Variants in SUCLA2 observed in about 807,000 individuals in gnomAD.
SUCLA2 encodes the protein succinate--CoA ligase [ADP-forming] subunit beta, mitochondrial.
Under a neutral mutation model 54.8 loss-of-function variants are expected in SUCLA2, and 30 were observed. The ratio of observed to expected loss-of-function variants is 0.55; its 90% confidence interval spans 0.41 to 0.74. SUCLA2 has a LOEUF of 0.74. Among genes scored for constraint, SUCLA2 ranks in the 30% least tolerant of loss-of-function variants. The probability of loss-of-function intolerance (pLI) is 0.00; values close to 1 mark genes in which losing one functional copy is unlikely to be tolerated. For missense variants in SUCLA2, 476 were observed against 562.9 expected, an observed-to-expected ratio of 0.85 and a Z score of 1.56; for synonymous variants, 172 against 188.9, an observed-to-expected ratio of 0.91 and a Z score of 0.74.
At chr13:47,965,167 C>G (rs1651823774) in intron 6 of SUCLA2, among the ~76,000 whole-genome samples, 2 of 151,650 alleles carry the variant, frequency 1.3e-5, no homozygotes, top group African/African-American at 4.8e-5. Context: ...TAATACAAAG[C>G]CAACTAGTAA....
chr13:47,943,541 C>T, intron 10 of SUCLA2, 96 bp from the exon 11 acceptor site: 1 of 1,044,780 alleles, frequency 9.6e-7, no homozygotes, highest in Admixed American at 1.8e-5. Flanking sequence ...CCATTTAAAA[C>T]ATCTGGACTA....
chr13:47,993,342 T>G (rs1259416435), intron 2 of SUCLA2, among the ~76,000 whole-genome samples: 3 of 152,264 alleles, frequency 2.0e-5, no homozygotes, highest in Non-Finnish European at 4.4e-5. Context: ...TAATATCTAC[T>G]ACATTTATCT....
At chr13:47,970,461 A>C (rs1235033528) in intron 5 of SUCLA2, among the ~76,000 whole-genome samples, 2 of 152,176 alleles carry the variant, frequency 1.3e-5, no homozygotes, top group Non-Finnish European at 2.9e-5. Context: ...CTACCTAATA[A>C]ATCAAATCCA....
At position 47,993,126 on chromosome 13, in the gene SUCLA2, C is replaced by G. The variant is rs1950162185; in HGVS notation, c.271+3717G>C. 2.0e-5 allele frequency among the ~76,000 whole-genome samples: 3 copies of G among 152,220 alleles called. No homozygotes were observed. In the South Asian group the frequency reaches 6.2e-4, roughly 32 times the overall value. On this transcript the variant is annotated intron_variant, in intron 2 of 10. Coordinates refer to ENST00000646932, the MANE Select transcript of SUCLA2 (RefSeq NM_003850.3). The stretch of plus-strand genomic sequence containing the variant: ...CACACCTATAGTCCCAGCTACTCAG[C>G]AGGCTGAGACGGGAGAAGTGGCTTG...
chr13:47,998,497 C>G (rs1481402563), intron 1 of SUCLA2, among the ~76,000 whole-genome samples: 1 of 151,978 alleles, frequency 6.6e-6, no homozygotes, highest in South Asian at 2.1e-4. Context: ...CAGAAATTAG[C>G]TGATTGCCCA....
intron 6 of SUCLA2, among the ~76,000 whole-genome samples, chr13:47,959,633 T>C (rs1473505653): frequency 6.6e-6 from 1 of 152,146 alleles, no homozygotes; most frequent in African/African-American, 2.4e-5. Flanking sequence ...GGATGGTCTG[T>C]GTAAGTCATA....
At chr13:47,998,651 T>C (rs139552666) in intron 1 of SUCLA2, among the ~76,000 whole-genome samples, 1 of 152,316 alleles carries the variant, frequency 6.6e-6, no homozygotes, top group African/African-American at 2.4e-5. Context: ...GAAACAAGAA[T>C]ATATACTTAC....
chr13:47,964,661 T>A (rs1949902319), intron 6 of SUCLA2, among the ~76,000 whole-genome samples: 1 of 152,036 alleles, frequency 6.6e-6, no homozygotes. Flanking sequence ...ATCGAGACCA[T>A]CCTGGCTAAC....
chr13:47,985,420 T>C (rs1012668783), intron 4 of SUCLA2, among the ~76,000 whole-genome samples: 4 of 150,172 alleles, frequency 2.7e-5, no homozygotes, highest in African/African-American at 4.9e-5. Context: ...CCAGTGTGTG[T>C]TGATCCCCAC....
intron 6 of SUCLA2, among the ~76,000 whole-genome samples, chr13:47,964,719 T>C (rs143543637): frequency 1.3e-5 from 2 of 152,014 alleles, no homozygotes; most frequent in African/African-American, 2.4e-5. Flanking sequence ...TAGCCGGGCG[T>C]GGTGGCGGGC....
chr13:47,970,414 A>C (rs933502770), intron 5 of SUCLA2, among the ~76,000 whole-genome samples: 1 of 152,096 alleles, frequency 6.6e-6, no homozygotes, highest in East Asian at 1.9e-4. Context: ...TTTCTTCCTC[A>C]TCTAAATTTC....
chr13:47,970,733 G>A (rs575039358), intron 5 of SUCLA2, among the ~76,000 whole-genome samples: 13 of 152,106 alleles, frequency 8.5e-5, no homozygotes, highest in Non-Finnish European at 1.2e-4. Context: ...GGTGGCGGGC[G>A]CCTGTAATCC....
At chr13:47,981,425 A>T (rs1950059525) in intron 4 of SUCLA2, among the ~76,000 whole-genome samples, 2 of 152,342 alleles carry the variant, frequency 1.3e-5, no homozygotes, top group African/African-American at 4.8e-5. Flanking sequence ...ATAATCTCAC[A>T]CCCTTTAGGA....
At chr13:47,969,088 G>A (rs939988047) in intron 5 of SUCLA2, among the ~76,000 whole-genome samples, 1 of 152,114 alleles carries the variant, frequency 6.6e-6, no homozygotes, top group Non-Finnish European at 1.5e-5. Context: ...TATATAAAAT[G>A]TGAGCCGGGC....
intron 5 of SUCLA2, among the ~76,000 whole-genome samples, chr13:47,969,386 T>G (rs1949944097): frequency 1.3e-5 from 2 of 152,236 alleles, no homozygotes; most frequent in African/African-American, 4.8e-5. Context: ...AAGCACCTAT[T>G]ACATTCCAGG....
At chr13:47,951,306 C>A (rs1949773336) in intron 8 of SUCLA2, among the ~76,000 whole-genome samples, 1 of 142,218 alleles carries the variant, frequency 7.0e-6, no homozygotes, top group Non-Finnish European at 1.5e-5. Context: ...AGCCTCTAGT[C>A]CGCCACCCCG....
At chr13:47,971,649 T>C (rs1949966653) in intron 5 of SUCLA2, 4 of 362,164 alleles carry the variant, frequency 1.1e-5, no homozygotes, top group Admixed American at 9.3e-5. Flanking sequence ...CACATACAAA[T>C]TGAAAGAATT....
chr13:47,960,819 A>G (rs1949864900), intron 6 of SUCLA2, among the ~76,000 whole-genome samples: 1 of 152,210 alleles, frequency 6.6e-6, no homozygotes, highest in South Asian at 2.1e-4. Flanking sequence ...TGGTTTGAAG[A>G]TGAACACTCA....
rs997210715 is a variant in SUCLA2, at chr13:47,943,178, T to C, written c.*193A>G. Reference sequence around the variant, plus strand: ...CAAAAGAAAGAAGATAACTGCATTATACATGCTTCGTACAAACAGTCCATT... The same window carrying C: ...CAAAAGAAAGAAGATAACTGCATTACACATGCTTCGTACAAACAGTCCATT... On this transcript the variant is annotated 3_prime_UTR_variant, in exon 11 of 11. Transcript: ENST00000646932. The C allele has an allele frequency of 1.6e-6, 1 of 625,696 alleles. No homozygotes were observed. Among genetic ancestry groups the C allele is most frequent in the Non-Finnish European group, 2.9e-6 (1 of 348,968 alleles). The allele number at this position is 625,696 out of a possible 1,614,324, so 38.8% of individuals were successfully genotyped here.
Sources: gnomAD v4.1 joint callset for allele counts (sites outside exome capture counted in the v4.1 genomes callset) on GRCh38, gnomAD v4.1.1 for gene constraint, MANE v1.5 for transcripts, NCBI Gene and HGNC (gene_info 2026-07-23, HGNC 2026-07-21) for gene names.